The following SNTG1 variants were observed in gnomAD, a reference collection of about 807,000 sequenced individuals.
The protein encoded by SNTG1 is syntrophin gamma 1.
SNTG1 carries 39 observed loss-of-function variants against 74.7 expected under a neutral mutation model. The ratio of observed to expected loss-of-function variants is 0.52; its 90% CI spans 0.40 to 0.68. SNTG1 has a LOEUF of 0.68. SNTG1 is among the 30% of genes least tolerant of loss of function. The probability of loss-of-function intolerance (pLI) is 0.00; values close to 1 mark genes in which losing one functional copy is unlikely to be tolerated. For synonymous variants in SNTG1, 254 were observed against 217.1 expected (o/e 1.17, Z -1.49); for missense variants, 685 against 609.5 (o/e 1.12, Z -1.30).
At chr8:50,000,532 A>G (rs923149375) in intron 1 of SNTG1, among the ~76,000 whole-genome samples, 2 of 152,138 alleles carry the variant, frequency 1.3e-5, no homozygotes, top group Admixed American at 1.3e-4. Context: ...AAAGACTTAC[A>G]TTTTTGTGAA....
intron 2 of SNTG1, among the ~76,000 whole-genome samples, chr8:50,272,567 T>C (rs1041465014): frequency 2.0e-5 from 3 of 152,146 alleles, no homozygotes; most frequent in Non-Finnish European, 4.4e-5. Context: ...TTGACGGGTA[T>C]AGATGGTTCT....
chr8:50,276,649 A>C (rs925934747), intron 2 of SNTG1, among the ~76,000 whole-genome samples: 2 of 152,058 alleles, frequency 1.3e-5, no homozygotes, highest in Non-Finnish European at 2.9e-5. Flanking sequence ...TAAATGTAAC[A>C]AGCACTGGTG....
chr8:50,560,275 A>G (rs947928438), intron 12 of SNTG1, among the ~76,000 whole-genome samples: 2 of 152,194 alleles, frequency 1.3e-5, no homozygotes, highest in African/African-American at 4.8e-5. Context: ...TTGTGGGAAT[A>G]TAAATTAGTT....
intron 16 of SNTG1, among the ~76,000 whole-genome samples, chr8:50,706,994 A>T (rs2095445422): frequency 6.6e-6 from 1 of 152,002 alleles, no homozygotes; most frequent in Non-Finnish European, 1.5e-5. Flanking sequence ...ATTTGTTTTT[A>T]AGGAAACAAA....
intron 1 of SNTG1, among the ~76,000 whole-genome samples, chr8:50,103,639 A>C (rs1486898207): frequency 2.0e-5 from 3 of 152,174 alleles, no homozygotes; most frequent in African/African-American, 4.8e-5. Flanking sequence ...GTCTTGTGCC[A>C]GTTTTCAAAG....
At chr8:50,040,139 C>A (rs949718051) in intron 1 of SNTG1, among the ~76,000 whole-genome samples, 1 of 152,128 alleles carries the variant, frequency 6.6e-6, no homozygotes, top group Non-Finnish European at 1.5e-5. Context: ...ACTGACTAAG[C>A]ACCTGAAGCC....
intron 5 of SNTG1, among the ~76,000 whole-genome samples, chr8:50,444,245 C>A (rs62517655): frequency 0.015 from 2,259 of 152,112 alleles, 34 homozygotes; most frequent in Non-Finnish European, 0.02. Context: ...TCAAATTTTC[C>A]AAATAAAATA....
chr8:50,320,035 T>G (rs1365312684), intron 2 of SNTG1, among the ~76,000 whole-genome samples: 1 of 152,238 alleles, frequency 6.6e-6, no homozygotes, highest in African/African-American at 2.4e-5. Flanking sequence ...AGAATAAGTT[T>G]GGAAGTATTT....
At chr8:50,280,818 C>A (rs771795569) in intron 2 of SNTG1, among the ~76,000 whole-genome samples, 1 of 151,674 alleles carries the variant, frequency 6.6e-6, no homozygotes, top group Non-Finnish European at 1.5e-5. Flanking sequence ...CCTGTCTGAC[C>A]TTTAACAGGT....
At chr8:50,247,009 A>G (rs2086431914) in intron 2 of SNTG1, among the ~76,000 whole-genome samples, 1 of 152,216 alleles carries the variant, frequency 6.6e-6, no homozygotes, top group Admixed American at 6.5e-5. Context: ...TGATCTGGAC[A>G]CAAAGGGCTT....
At chr8:50,749,483 T>G (rs1056732401) in intron 17 of SNTG1, among the ~76,000 whole-genome samples, 1 of 152,054 alleles carries the variant, frequency 6.6e-6, no homozygotes, top group Non-Finnish European at 1.5e-5. Flanking sequence ...AGATTTTTAG[T>G]GTAGATAAAA....
intron 1 of SNTG1, among the ~76,000 whole-genome samples, chr8:50,017,512 ATGC>A (rs1327535977): frequency 6.6e-6 from 1 of 152,028 alleles, no homozygotes; most frequent in African/African-American, 2.4e-5. Context: ...ATCCAATAAT[ATGC>A]TGTTTACAAG....
chr8:50,716,756 G>A (rs1246003789), intron 17 of SNTG1, among the ~76,000 whole-genome samples: 4 of 147,216 alleles, frequency 2.7e-5, no homozygotes, highest in Non-Finnish European at 4.5e-5. Context: ...TTTTTGAAAC[G>A]GAGTCTCACA....
chr8:50,158,692 A>G (rs753755690), intron 1 of SNTG1, among the ~76,000 whole-genome samples: 1 of 152,096 alleles, frequency 6.6e-6, no homozygotes, highest in African/African-American at 2.4e-5. Context: ...GTAATACTGC[A>G]TAATTTGTTT....
intron 18 of SNTG1, among the ~76,000 whole-genome samples, chr8:50,755,764 CTGT>C (rs1354878717): frequency 6.6e-6 from 1 of 151,830 alleles, no homozygotes; most frequent in South Asian, 2.1e-4. Context: ...TCACCAGTAA[CTGT>C]TGTTGTCCAT....
intron 13 of SNTG1, among the ~76,000 whole-genome samples, chr8:50,647,188 C>A (rs951896018): frequency 6.6e-6 from 1 of 151,920 alleles, no homozygotes; most frequent in African/African-American, 2.4e-5. Flanking sequence ...AAACCATAAT[C>A]CATGAAAGAA....
At chr8:50,226,207 G>A (rs995915139) in intron 2 of SNTG1, among the ~76,000 whole-genome samples, 2 of 152,000 alleles carry the variant, frequency 1.3e-5, no homozygotes, top group Admixed American at 1.3e-4. Context: ...CTATCTAAGG[G>A]GTCTGGGGAG....
intron 13 of SNTG1, among the ~76,000 whole-genome samples, chr8:50,612,784 C>T (rs530369947): frequency 2.7e-4 from 41 of 152,262 alleles, no homozygotes; most frequent in Admixed American, 3.9e-4. Flanking sequence ...GCAATAGAGT[C>T]GTGGGCAGTT....
At chr8:50,246,384 C>A (rs942731001) in intron 2 of SNTG1, among the ~76,000 whole-genome samples, 2 of 152,024 alleles carry the variant, frequency 1.3e-5, no homozygotes, top group Admixed American at 1.3e-4. Flanking sequence ...GTTTAACACA[C>A]TTTTGTAAAT....
Sources: gnomAD v4.1 joint callset for allele counts (sites outside exome capture counted in the v4.1 genomes callset) on GRCh38, gnomAD v4.1.1 for gene constraint, MANE v1.5 for transcripts, NCBI Gene and HGNC (gene_info 2026-07-23, HGNC 2026-07-21) for gene names.